RXRA: variants seen among roughly 807,000 people sequenced by gnomAD.
RXRA encodes retinoid X receptor alpha, also known as retinoic acid receptor RXR-alpha.
RXRA carries 5 observed loss-of-function variants against 44.5 expected under a neutral mutation model. The ratio of observed to expected loss-of-function variants is 0.11; its 90% CI spans 0.06 to 0.24. The LOEUF is 0.24. RXRA is among the 10% of genes least tolerant of loss of function. RXRA has a pLI of 1.00. For synonymous variants in RXRA, 291 were observed against 271.4 expected, an observed-to-expected ratio of 1.07 and a Z score of -0.71; for missense variants, 412 against 646.5, an observed-to-expected ratio of 0.64 and a Z score of 3.93.
At chr9:134,382,470 GC>G (rs1265084328) in intron 1 of RXRA, among the ~76,000 whole-genome samples, 1 of 152,168 alleles carries the variant, frequency 6.6e-6, no homozygotes, top group Non-Finnish European at 1.5e-5. Flanking sequence ...TGCCCTTGCA[GC>G]CGGTCCTGCG....
At chr9:134,401,422 C>A in intron 1 of RXRA, 1 of 743,336 alleles carries the variant, frequency 1.3e-6, no homozygotes, top group South Asian at 1.8e-5. Context: ...GGGTCAGGCG[C>A]AGAACAGTAC....
chr9:134,358,479 A>T (rs1242994479), intron 1 of RXRA, among the ~76,000 whole-genome samples: 1 of 152,032 alleles, frequency 6.6e-6, no homozygotes, highest in African/African-American at 2.4e-5. Flanking sequence ...TGTAATGGGG[A>T]GGTCAGTAGC....
intron 2 of RXRA, 30 bp downstream of exon 2, chr9:134,401,912 G>C (rs1267236408): frequency 3.3e-6 from 5 of 1,523,062 alleles, no homozygotes; most frequent in African/African-American, 1.4e-5. Context: ...AAGGGGAGGG[G>C]GTGGGGCCTG....
At chr9:134,408,079 G>T in intron 2 of RXRA, 70 bp from the exon 3 acceptor site, 1 of 1,221,624 alleles carries the variant, frequency 8.2e-7, no homozygotes, top group Middle Eastern at 2.0e-4. Flanking sequence ...CATCCTTGCT[G>T]CAGGGCCGTG....
At chr9:134,423,117 T>C in intron 6 of RXRA, 1 of 985,436 alleles carries the variant, frequency 1.0e-6, no homozygotes, top group Non-Finnish European at 1.2e-6. Context: ...GTCCCCCACC[T>C]GGAAAGGGGG....
At chr9:134,405,749 C>G (rs890422029) in intron 2 of RXRA, 1 of 152,740 alleles carries the variant, frequency 6.5e-6, no homozygotes, top group African/African-American at 2.4e-5. Flanking sequence ...GCCCAAGGGG[C>G]TCCTGCTCAC....
intron 6 of RXRA, chr9:134,422,996 C>G (rs1186620649): frequency 2.0e-6 from 2 of 985,382 alleles, no homozygotes; most frequent in South Asian, 4.7e-5. Context: ...GCGCATCACA[C>G]TCCCCGTGAT....
At chr9:134,423,405 C>G in intron 6 of RXRA, 3 of 985,424 alleles carry the variant, frequency 3.0e-6, no homozygotes, top group Non-Finnish European at 3.6e-6. Flanking sequence ...CCATACAAGG[C>G]GGCTCCTAAG....
chr9:134,401,083 T>C (rs1830951286), intron 1 of RXRA, among the ~76,000 whole-genome samples: 1 of 152,192 alleles, frequency 6.6e-6, no homozygotes, highest in South Asian at 2.1e-4. Context: ...GCTTCCCGCA[T>C]CTGTAAAATG....
chr9:134,425,150 T>C (rs572039706), intron 6 of RXRA: 1 of 985,192 alleles, frequency 1.0e-6, no homozygotes, highest in South Asian at 4.7e-5. Context: ...GGGGGTGCAG[T>C]GGCCACAGCC....
intron 1 of RXRA, among the ~76,000 whole-genome samples, chr9:134,367,208 A>ACCGT (rs982056296): frequency 1.1e-4 from 16 of 151,660 alleles, no homozygotes; most frequent in African/African-American, 3.9e-4. Context: ...GCCCCGCCTG[A>ACCGT]CCCCACCAGC....
At chr9:134,326,930 C>T (rs1407652136) in intron 1 of RXRA, among the ~76,000 whole-genome samples, 1 of 150,386 alleles carries the variant, frequency 6.6e-6, no homozygotes. Context: ...GGAGGGGTCT[C>T]CCGCTCACCG....
chr9:134,382,764 C>G (rs944567453), intron 1 of RXRA, among the ~76,000 whole-genome samples: 2 of 152,146 alleles, frequency 1.3e-5, no homozygotes, highest in Non-Finnish European at 2.9e-5. Context: ...GCGTTGCCGT[C>G]TCTGAGCTGG....
At chr9:134,380,758 G>A (rs1321242063) in intron 1 of RXRA, among the ~76,000 whole-genome samples, 1 of 152,072 alleles carries the variant, frequency 6.6e-6, no homozygotes, top group African/African-American at 2.4e-5. Flanking sequence ...CCAGTTCCCC[G>A]GCACCTGGGT....
At chr9:134,413,851 C>T (rs986663201) in intron 4 of RXRA, among the ~76,000 whole-genome samples, 2 of 152,130 alleles carry the variant, frequency 1.3e-5, no homozygotes, top group African/African-American at 2.4e-5. Flanking sequence ...GGGGAGGGTC[C>T]GCCTGGGCAG....
At position 134,373,045 on chromosome 9, in the gene RXRA, C is replaced by T. The variant is rs544622105; in HGVS notation, c.29-28587C>T. Reference sequence around the variant, plus strand: ...TGGGCTGTGGCGTCTGCCCCGGGTTCGTCAGCAGGGGAGGGGCCCTGGAGA... The same window carrying T: ...TGGGCTGTGGCGTCTGCCCCGGGTTTGTCAGCAGGGGAGGGGCCCTGGAGA... On this transcript the variant is annotated intron_variant, in intron 1 of 9. Coordinates refer to ENST00000481739, the MANE Select transcript of RXRA (RefSeq NM_002957.6). Among the ~76,000 whole-genome samples, 23 of 152,262 alleles carry T rather than the reference C, an allele frequency of 1.5e-4. No individual in the cohort carries two copies. In the South Asian group the frequency reaches 3.7e-3, roughly 25 times the overall value.
At chr9:134,396,509 C>T (rs779349052) in intron 1 of RXRA, among the ~76,000 whole-genome samples, 5 of 152,054 alleles carry the variant, frequency 3.3e-5, no homozygotes, top group African/African-American at 7.2e-5. Flanking sequence ...GTTTCAGTTC[C>T]GGGCGGGGGG....
intron 1 of RXRA, chr9:134,379,601 C>T: frequency 1.0e-6 from 1 of 985,442 alleles, no homozygotes; most frequent in Non-Finnish European, 1.2e-6. Context: ...CTCCTGTGCT[C>T]CCTGACAGCC....
chr9:134,375,030 T>C lies in RXRA; in HGVS notation c.29-26602T>C, dbSNP rs114620057. The stretch of plus-strand genomic sequence containing the variant: ...CCAGGGTGAGGGGCTGACTGTGCCC[T>C]GCACTGCAGGGAGTGCTCTTGAGGG... On this transcript the variant is annotated intron_variant, in intron 1 of 9. Transcript: ENST00000481739. 1.1e-3 allele frequency among the ~76,000 whole-genome samples: 166 copies of C among 152,290 alleles called. 1 individual carries two copies. The highest frequency in any genetic ancestry group is 3.7e-3 in the African/African-American group (153 of 41,562).
Sources: gnomAD v4.1 joint callset for allele counts (sites outside exome capture counted in the v4.1 genomes callset) on GRCh38, gnomAD v4.1.1 for gene constraint, MANE v1.5 for transcripts, NCBI Gene and HGNC (gene_info 2026-07-23, HGNC 2026-07-21) for gene names.